NUP160: variants seen among roughly 807,000 people sequenced by gnomAD.
The protein encoded by NUP160 is nuclear pore complex protein Nup160.
NUP160 carries 94 observed loss-of-function variants against 196.9 expected under a neutral mutation model. The observed-to-expected ratio is 0.48, with a 90% CI of 0.40 to 0.57. NUP160 has a LOEUF of 0.57. Ranked by LOEUF, NUP160 falls within the 20% of genes least tolerant of loss-of-function variation. The pLI is 0.00. For missense variants in NUP160, 1,638 were observed against 1,748.3 expected (o/e 0.94, Z 1.13); for synonymous variants, 605 against 619.7 (o/e 0.98, Z 0.35).
intron 7 of NUP160, among the ~76,000 whole-genome samples, chr11:47,830,310 C>T (rs1237385222): frequency 6.6e-6 from 1 of 152,130 alleles, no homozygotes; most frequent in Non-Finnish European, 1.5e-5. Flanking sequence ...GGTGATTCCT[C>T]TAAGAACTAA....
intron 15 of NUP160, 134 bp from the exon 16 acceptor site, chr11:47,812,563 G>A (rs1254306627): frequency 2.2e-6 from 2 of 891,712 alleles, no homozygotes; most frequent in Non-Finnish European, 3.4e-6. Context: ...TGGCATATAA[G>A]ATACAGTCCC....
chr11:47,804,690 C>G, intron 20 of NUP160, 72 bp from the exon 21 acceptor site: 2 of 993,944 alleles, frequency 2.0e-6, no homozygotes, highest in Non-Finnish European at 1.5e-6. Flanking sequence ...GCATCAAATT[C>G]AGAAAAGTCC....
At chr11:47,836,180 G>A (rs1295072686) in intron 6 of NUP160, among the ~76,000 whole-genome samples, 2 of 152,126 alleles carry the variant, frequency 1.3e-5, no homozygotes, top group African/African-American at 4.8e-5. Flanking sequence ...CCTGGGAGGC[G>A]GAGGTTGCAG....
chr11:47,815,976 C>T (rs1191383217), exon 12 of NUP160: 2 of 1,613,692 alleles, frequency 1.2e-6, no homozygotes, highest in Non-Finnish European at 1.7e-6. Flanking sequence ...TAACTTCTTT[C>T]TTCAGTTCAC....
At chr11:47,821,915 A>C in intron 8 of NUP160, 94 bp from the exon 9 acceptor site, 1 of 1,091,664 alleles carries the variant, frequency 9.2e-7, no homozygotes, top group Non-Finnish European at 1.4e-6. Flanking sequence ...AGGTAAATGT[A>C]TGAAAACAAA....
Position 47,840,269 on chromosome 11 carries a change from T to C in NUP160, c.525+109A>G, listed in dbSNP as rs1424041546. ...CTATCAAAGTATGCTTGGTGAGGGA[T>C]AACGAGAATCCAAATTTCCTTCAAT... is the stretch of plus-strand genomic sequence containing the variant. On this transcript the variant is annotated intron_variant, in intron 3 of 35. Coordinates refer to ENST00000378460, the Ensembl canonical transcript of NUP160. 4 of 990,590 alleles carry C rather than the reference T, an allele frequency of 4.0e-6. No homozygotes were observed. The African/African-American group carries it at 6.4e-5, about 16-fold the overall frequency. 61.4% of individuals were successfully genotyped at this position (990,590 alleles called of 1,614,324 possible).
At chr11:47,784,972 G>A (rs201748590) in exon 33 of NUP160, 15 of 1,604,862 alleles carry the variant, frequency 9.3e-6, no homozygotes, top group East Asian at 2.3e-5. Flanking sequence ...TGAGACAAGA[G>A]CTTGTTGATT....
At chr11:47,815,261 C>A (rs147769467) in intron 13 of NUP160, 29 of 378,658 alleles carry the variant, frequency 7.7e-5, no homozygotes, top group African/African-American at 5.2e-4. Context: ...CAATAAAATA[C>A]AAAAAAAGTA....
At chr11:47,785,034 G>C (rs777483075) in exon 33 of NUP160, 16 of 1,552,944 alleles carry the variant, frequency 1.0e-5, no homozygotes, top group Non-Finnish European at 1.3e-5. Context: ...CAGGTAAGTG[G>C]ATAATAGTCG....
chr11:47,798,924 G>C (rs1206724201), intron 23 of NUP160, among the ~76,000 whole-genome samples: 3 of 143,048 alleles, frequency 2.1e-5, no homozygotes, highest in African/African-American at 7.9e-5. Flanking sequence ...AACACGGCGA[G>C]ACCCCATCTC....
At chr11:47,830,721 G>A (rs1192207150) in intron 7 of NUP160, among the ~76,000 whole-genome samples, 4 of 152,182 alleles carry the variant, frequency 2.6e-5, no homozygotes, top group African/African-American at 9.7e-5. Flanking sequence ...TGGAGGTTGG[G>A]AGGAGGGAGT....
At chr11:47,809,712 C>T (rs539538713) in intron 17 of NUP160, among the ~76,000 whole-genome samples, 151 of 118,546 alleles carry the variant, frequency 1.3e-3, no homozygotes, top group Non-Finnish European at 2.1e-3. Flanking sequence ...GCACTCCAGC[C>T]TGGGCTACAG....
At chr11:47,793,002 T>G in intron 27 of NUP160, 56 bp from the exon 28 acceptor site, 1 of 1,513,152 alleles carries the variant, frequency 6.6e-7, no homozygotes, top group East Asian at 2.3e-5. Flanking sequence ...TTTCTTTTTT[T>G]TGGAGACAGA....
rs2097681628 is a variant in NUP160 at position 47,812,286 on chromosome 11, T to C, written c.2080+16A>G. 1 of 1,613,864 alleles carries C rather than the reference T, an allele frequency of 6.2e-7. No homozygotes were observed. Among genetic ancestry groups the C allele is most frequent in the Non-Finnish European group, 8.5e-7 (1 of 1,179,864 alleles). On this transcript the variant is annotated intron_variant, in intron 16 of 35. Coordinates refer to ENST00000378460, the Ensembl canonical transcript of NUP160. ...TGTTTTAATCAAAGAGGCACATTTG[T>C]TGTTCTGTCATTTACCTGGATTGAA...
intron 7 of NUP160, among the ~76,000 whole-genome samples, chr11:47,830,607 C>G (rs1474945187): frequency 1.3e-5 from 2 of 152,082 alleles, no homozygotes; most frequent in Admixed American, 6.6e-5. Flanking sequence ...AATGCAGGAA[C>G]AGAAAACCAA....
At chr11:47,831,422 A>G (rs1022274658) in intron 7 of NUP160, among the ~76,000 whole-genome samples, 4 of 152,228 alleles carry the variant, frequency 2.6e-5, no homozygotes, top group African/African-American at 9.6e-5. Flanking sequence ...AACAATGTCC[A>G]ACACAAATGA....
At chr11:47,803,174 A>ATAC (rs1269776397) in intron 22 of NUP160, among the ~76,000 whole-genome samples, 1 of 148,300 alleles carries the variant, frequency 6.7e-6, no homozygotes, top group Non-Finnish European at 1.5e-5. Context: ...AATAATAATA[A>ATAC]TAATAAAAGG....
intron 29 of NUP160, among the ~76,000 whole-genome samples, chr11:47,790,094 C>T (rs948900430): frequency 6.6e-5 from 10 of 151,526 alleles, no homozygotes; most frequent in South Asian, 2.1e-4. Flanking sequence ...TACAGGAATG[C>T]GCCACCACGC....
intron 13 of NUP160, 32 bp from the exon 14 acceptor site, chr11:47,813,447 G>C (rs1364292546): frequency 2.1e-6 from 3 of 1,444,356 alleles, no homozygotes; most frequent in Non-Finnish European, 2.9e-6. Flanking sequence ...TTACATTTTT[G>C]TCAGTAAAAT....
Sources: gnomAD v4.1 joint callset for allele counts (sites outside exome capture counted in the v4.1 genomes callset) on GRCh38, gnomAD v4.1.1 for gene constraint, MANE v1.5 for transcripts, NCBI Gene and HGNC (gene_info 2026-07-23, HGNC 2026-07-21) for gene names.